The following VAV2 variants were observed in gnomAD, a reference collection of about 807,000 sequenced individuals.
VAV2 encodes vav guanine nucleotide exchange factor 2.
VAV2 carries 67 observed loss-of-function variants against 132.5 expected under a neutral mutation model. The observed-to-expected ratio is 0.51, with a 90% CI of 0.42 to 0.62. The LOEUF (loss-of-function observed/expected upper bound fraction) is 0.62, where lower values mean the gene tolerates loss of function less well. Among genes scored for constraint, VAV2 ranks in the 20% least tolerant of loss-of-function variants. The pLI is 0.00. For synonymous variants in VAV2, 492 were observed against 443.5 expected, an observed-to-expected ratio of 1.11 and a Z score of -1.37; for missense variants, 938 against 1,153.6, an observed-to-expected ratio of 0.81 and a Z score of 2.71.
intron 3 of VAV2, among the ~76,000 whole-genome samples, chr9:133,846,490 C>T (rs1305861095): frequency 6.6e-6 from 1 of 152,242 alleles, no homozygotes; most frequent in Non-Finnish European, 1.5e-5. Flanking sequence ...ATCTCAGAGG[C>T]CACTGCCCTG....
intron 3 of VAV2, among the ~76,000 whole-genome samples, chr9:133,847,351 G>A (rs927710131): frequency 3.3e-5 from 5 of 152,184 alleles, no homozygotes; most frequent in Admixed American, 6.5e-5. Flanking sequence ...CTTGCACCGC[G>A]CCTCAGCGTG....
chr9:133,789,371 C>T (rs762336082), intron 13 of VAV2, 28 bp from the exon 14 acceptor site: 65 of 1,612,082 alleles, frequency 4.0e-5, no homozygotes, highest in Non-Finnish European at 2.4e-5. Context: ...GGCCGTCAGC[C>T]GGGGCTGGAG....
intron 20 of VAV2, among the ~76,000 whole-genome samples, chr9:133,780,338 C>T (rs1833964324): frequency 6.6e-6 from 1 of 152,172 alleles, no homozygotes; most frequent in Non-Finnish European, 1.5e-5. Flanking sequence ...GCACACGAAG[C>T]CCCTGGAAGT....
chr9:133,844,980 A>C (rs901173182), intron 3 of VAV2, among the ~76,000 whole-genome samples: 1 of 152,250 alleles, frequency 6.6e-6, no homozygotes, highest in Non-Finnish European at 1.5e-5. Context: ...ACGCTCTGTC[A>C]GCTACTGGAA....
intron 1 of VAV2, among the ~76,000 whole-genome samples, chr9:133,979,641 G>A (rs908861312): frequency 1.6e-4 from 25 of 152,228 alleles, no homozygotes; most frequent in African/African-American, 4.1e-4. Flanking sequence ...ATCCGGGCCC[G>A]GCCCCGCCTC....
At chr9:133,970,747 GC>G (rs1448077983) in intron 1 of VAV2, among the ~76,000 whole-genome samples, 3 of 152,186 alleles carry the variant, frequency 2.0e-5, no homozygotes, top group African/African-American at 7.2e-5. Context: ...CTGCCCCACA[GC>G]CTCTCGTGTC....
intron 1 of VAV2, among the ~76,000 whole-genome samples, chr9:133,970,549 A>G (rs901432046): frequency 2.0e-5 from 3 of 152,186 alleles, no homozygotes; most frequent in African/African-American, 7.2e-5. Flanking sequence ...TGGTTGGTGT[A>G]CCTGGTCCCT....
intron 4 of VAV2, among the ~76,000 whole-genome samples, chr9:133,829,744 C>A (rs1454916820): frequency 6.6e-6 from 1 of 152,088 alleles, no homozygotes; most frequent in Non-Finnish European, 1.5e-5. Flanking sequence ...CTCAAGCAAT[C>A]CCAAAGTGAA....
At chr9:133,915,370 C>T (rs530608997) in intron 2 of VAV2, among the ~76,000 whole-genome samples, 9 of 152,322 alleles carry the variant, frequency 5.9e-5, no homozygotes, top group African/African-American at 1.7e-4. Context: ...GGATTCAGCA[C>T]GATCTGGCGT....
Position 133,840,167 on chromosome 9 carries a change from C to T in VAV2, c.381-5827G>A, listed in dbSNP as rs964700321. ...GTTGTCCTGAGAGCAGTCATCCTGG[C>T]TCCCCAGGGGCGGCTGCATCCCTCT... is the stretch of plus-strand genomic sequence containing the variant. On this transcript the variant is annotated intron_variant, in intron 3 of 29. Coordinates refer to ENST00000371850, the MANE Select transcript of VAV2 (RefSeq NM_001134398.2). The surrounding 1 kb of genome is among the most constrained non-coding windows in gnomAD (Gnocchi z 4.5). Among the ~76,000 whole-genome samples the T allele has an allele frequency of 1.3e-5, 2 of 152,226 alleles. No homozygotes were observed. Among genetic ancestry groups the T allele is most frequent in the Non-Finnish European group, 2.9e-5 (2 of 68,042 alleles).
chr9:133,957,183 G>T (rs979501084), intron 1 of VAV2, among the ~76,000 whole-genome samples: 1 of 152,286 alleles, frequency 6.6e-6, no homozygotes, highest in East Asian at 1.9e-4. Flanking sequence ...GCAGTTACGG[G>T]CCTCCCCTGT....
chr9:133,991,545 G>A lies in VAV2; in HGVS notation c.204+530C>T, dbSNP rs1843017840. ...CGGGAAGAGGCGGAGGCCGGCGAGGGGGCGGTGCCCGGGGCCAACCCAGCT... is the reference window on the plus strand; with the variant it reads ...CGGGAAGAGGCGGAGGCCGGCGAGGAGGCGGTGCCCGGGGCCAACCCAGCT... On this transcript the variant is annotated intron_variant, in intron 1 of 29. Transcript: ENST00000371850. The surrounding 1 kb of genome is among the most constrained non-coding windows in gnomAD (Gnocchi z 4.8). Among the ~76,000 whole-genome samples, 1 of 151,898 alleles carries A rather than the reference G, an allele frequency of 6.6e-6. No homozygotes were observed. Among genetic ancestry groups the A allele is most frequent in the Non-Finnish European group, 1.5e-5 (1 of 67,914 alleles).
chr9:133,943,120 G>A (rs1424052089), intron 1 of VAV2, among the ~76,000 whole-genome samples: 3 of 152,224 alleles, frequency 2.0e-5, no homozygotes, highest in Admixed American at 1.3e-4. Context: ...CAGGGCAAAG[G>A]CCCTCTGAGA....
chr9:133,789,522 A>C (rs993795691), intron 13 of VAV2, among the ~76,000 whole-genome samples, 179 bp from the exon 14 acceptor site: 1 of 152,312 alleles, frequency 6.6e-6, no homozygotes, highest in East Asian at 1.9e-4. Flanking sequence ...GGGAGGGTGC[A>C]GAAGACCGGG....
chr9:133,902,931 T>C (rs983030058), intron 2 of VAV2, among the ~76,000 whole-genome samples: 3 of 151,948 alleles, frequency 2.0e-5, no homozygotes, highest in Non-Finnish European at 4.4e-5. Context: ...CAAAATTAGC[T>C]GGGTGTGGTG....
chr9:133,776,204 G>A, intron 23 of VAV2, 124 bp from the exon 24 acceptor site: 24 of 1,352,762 alleles, frequency 1.8e-5, no homozygotes, highest in Non-Finnish European at 2.4e-5. Flanking sequence ...GACTGTCTGT[G>A]GACTTAGCCC....
Position 133,895,023 on chromosome 9 carries a change from G to C in VAV2, c.322-33591C>G, listed in dbSNP as rs2519780. On this transcript the variant is annotated intron_variant, in intron 2 of 29. Transcript: ENST00000371850. Reference sequence around the variant, plus strand: ...GGGGTTGATGTTCTGAAGATCGCGTGGGGGGCGTCCGGAGATGGTGTGGGA... The same window carrying C: ...GGGGTTGATGTTCTGAAGATCGCGTCGGGGGCGTCCGGAGATGGTGTGGGA... Among the ~76,000 whole-genome samples the C allele has an allele frequency of 7.2e-4, 110 of 152,008 alleles. 1 individual carries two copies. In the South Asian group the frequency reaches 0.011, roughly 16 times the overall value.
chr9:133,883,356 C>G lies in VAV2; in HGVS notation c.322-21924G>C, dbSNP rs1452991787. ...GAGACAGCCTCCCTGCCGGGGTGTG[C>G]CAAGTGAGTGTGGGGCTGACGGGTG... is the stretch of plus-strand genomic sequence containing the variant. On this transcript the variant is annotated intron_variant, in intron 2 of 29. Coordinates refer to ENST00000371850, the MANE Select transcript of VAV2 (RefSeq NM_001134398.2). The surrounding 1 kb of genome is among the most constrained non-coding windows in gnomAD (Gnocchi z 4.2). Among the ~76,000 whole-genome samples the G allele has an allele frequency of 6.6e-6, 1 of 152,212 alleles. No homozygotes were observed. Among genetic ancestry groups the G allele is most frequent in the African/African-American group, 2.4e-5 (1 of 41,442 alleles).
In VAV2 at chr9:133,991,966, C is replaced by T. The variant is rs951757447; in HGVS notation, c.204+109G>A. On this transcript the variant is annotated intron_variant, in intron 1 of 29. Transcript: ENST00000371850. This position sits in a 1 kb window ranked among gnomAD's most constrained non-coding sequence, Gnocchi z 4.8. ...CGCCCGCGTCCCGGAGCCCGGCCGCCCCAGCCAGGGCGCCTGGGCCGCCGC... is the reference window on the plus strand; with the variant it reads ...CGCCCGCGTCCCGGAGCCCGGCCGCTCCAGCCAGGGCGCCTGGGCCGCCGC... 3.7e-5 allele frequency: 36 copies of T among 983,390 alleles called. No homozygotes were observed. Among genetic ancestry groups the T allele is most frequent in the Non-Finnish European group, 1.1e-5 (9 of 786,056 alleles). 60.9% of individuals were successfully genotyped at this position (983,390 alleles called of 1,614,324 possible).
Sources: gnomAD v4.1 joint callset for allele counts (sites outside exome capture counted in the v4.1 genomes callset) on GRCh38, gnomAD v4.1.1 for gene constraint, Gnocchi (gnomAD v3.1) non-coding constraint, MANE v1.5 for transcripts, NCBI Gene and HGNC (gene_info 2026-07-23, HGNC 2026-07-21) for gene names.